CHD1: variants seen among roughly 807,000 people sequenced by gnomAD.
CHD1 encodes ATP-dependent chromatin remodeler CHD1.
In CHD1, 36 loss-of-function variants were observed where a neutral mutation model predicts 224.2. The observed-to-expected ratio is 0.16, with a 90% confidence interval of 0.12 to 0.21. CHD1 has a LOEUF of 0.21. Among genes scored for constraint, CHD1 ranks in the 10% least tolerant of loss-of-function variants. The pLI, the probability that CHD1 is intolerant of heterozygous loss-of-function variation, is 1.00. For missense variants in CHD1, 1,378 were observed against 1,994.8 expected, an observed-to-expected ratio of 0.69 and a Z score of 5.89; for synonymous variants, 668 against 658.3, an observed-to-expected ratio of 1.01 and a Z score of -0.23.
chr5:98,877,158 G>A (rs1749820422), intron 23 of CHD1, among the ~76,000 whole-genome samples: 1 of 152,158 alleles, frequency 6.6e-6, no homozygotes, highest in Non-Finnish European at 1.5e-5. Context: ...GAGCAACACA[G>A]TGAGATCCTG....
At chr5:98,880,511 A>G (rs906212358) in intron 22 of CHD1, among the ~76,000 whole-genome samples, 2 of 152,228 alleles carry the variant, frequency 1.3e-5, no homozygotes, top group Non-Finnish European at 2.9e-5. Flanking sequence ...CAGTTCAGAG[A>G]AAACAGCTAA....
At position 98,881,716 on chromosome 5, in the gene CHD1, C is replaced by T. The variant is rs373461921; in HGVS notation, c.2867+259G>A. Among the ~76,000 whole-genome samples, 36 of 151,900 alleles carry T rather than the reference C, an allele frequency of 2.4e-4. No individual in the cohort carries two copies. The East Asian group carries it at 5.8e-3, about 25-fold the overall frequency. ...GCAGAGGTGGGGTTTCACTATGTTG[C>T]CTAGTGCAGTATATTTATTTTAAAA... On this transcript the variant is annotated intron_variant, in intron 20 of 35. Coordinates refer to ENST00000614616, the MANE Select transcript of CHD1 (RefSeq NM_001270.4).
At chr5:98,875,712 G>T (rs1012898676) in intron 24 of CHD1, among the ~76,000 whole-genome samples, 15 of 152,210 alleles carry the variant, frequency 9.9e-5, no homozygotes, top group Middle Eastern at 3.4e-3. Flanking sequence ...CTGGTAGAAA[G>T]AATAAGGAAG....
intron 2 of CHD1, among the ~76,000 whole-genome samples, chr5:98,913,585 T>G (rs955832376): frequency 1.3e-5 from 2 of 152,238 alleles, no homozygotes; most frequent in African/African-American, 4.8e-5. Flanking sequence ...AGTTCAACCA[T>G]AAATTATTTT....
intron 3 of CHD1, 45 bp from the exon 4 acceptor site, chr5:98,903,953 A>G: frequency 8.0e-7 from 1 of 1,251,430 alleles, no homozygotes; most frequent in Non-Finnish European, 1.1e-6. Flanking sequence ...TATTAAGAAA[A>G]CTGCAAAAAA....
intron 15 of CHD1, 39 bp downstream of exon 15, chr5:98,892,486 G>A (rs897689920): frequency 3.2e-5 from 48 of 1,477,126 alleles, no homozygotes; most frequent in Non-Finnish European, 4.3e-5. Context: ...AAGGTTTTCA[G>A]AATTAGAAGT....
At chr5:98,927,137 C>A (rs1753521043) in intron 1 of CHD1, among the ~76,000 whole-genome samples, 1 of 152,084 alleles carries the variant, frequency 6.6e-6, no homozygotes, top group South Asian at 2.1e-4. Flanking sequence ...TAATACTTAA[C>A]CAGTTTGCAC....
chr5:98,921,068 T>C (rs191110851), intron 2 of CHD1, among the ~76,000 whole-genome samples: 1 of 152,106 alleles, frequency 6.6e-6, no homozygotes, highest in East Asian at 1.9e-4. Context: ...AAAAAATAAA[T>C]AAAATGGCTA....
chr5:98,925,936 G>A (rs1753426733), intron 2 of CHD1, among the ~76,000 whole-genome samples: 2 of 151,606 alleles, frequency 1.3e-5, no homozygotes, highest in South Asian at 2.1e-4. Flanking sequence ...ACACTGGACA[G>A]TACAGGTATA....
At chr5:98,898,631 AAG>A in intron 9 of CHD1, 31 bp downstream of exon 9, 1 of 1,371,862 alleles carries the variant, frequency 7.3e-7, no homozygotes, top group African/African-American at 1.5e-5. Flanking sequence ...CAAGCATAAA[AAG>A]AAAGTTTAAC....
In CHD1 at chr5:98,858,405, C is replaced by A. The variant is rs758631719; in HGVS notation, c.4577-15G>T. ...TCTTTCCACATCTGTTAGATAAGTA[C>A]AACTTTTATTAATGACCTTAAAAAT... On this transcript the variant is annotated splice_polypyrimidine_tract_variant and intron_variant, in intron 34 of 35. Coordinates refer to ENST00000614616, the MANE Select transcript of CHD1 (RefSeq NM_001270.4). The A allele has an allele frequency of 6.3e-7, 1 of 1,589,230 alleles. No individual in the cohort carries two copies. Among genetic ancestry groups the A allele is most frequent in the Non-Finnish European group, 8.6e-7 (1 of 1,160,636 alleles).
intron 18 of CHD1, 144 bp from the exon 19 acceptor site, chr5:98,883,381 A>T (rs1451542038): frequency 2.1e-6 from 1 of 483,136 alleles, no homozygotes; most frequent in Non-Finnish European, 3.7e-6. Flanking sequence ...CTCCAAAATC[A>T]AATATATATG....
intron 15 of CHD1, among the ~76,000 whole-genome samples, 160 bp from the exon 16 acceptor site, chr5:98,889,398 A>G (rs1472766768): frequency 6.6e-6 from 1 of 152,240 alleles, no homozygotes; most frequent in Non-Finnish European, 1.5e-5. Flanking sequence ...AACCTCTTTC[A>G]TAATACTCAT....
chr5:98,886,661 T>TA (rs1409120873), intron 17 of CHD1, among the ~76,000 whole-genome samples: 1 of 152,186 alleles, frequency 6.6e-6, no homozygotes, highest in East Asian at 1.9e-4. Context: ...TTAAATGATG[T>TA]ATTCTAAGTG....
At chr5:98,893,097 C>A (rs926825307) in intron 14 of CHD1, among the ~76,000 whole-genome samples, 1 of 152,064 alleles carries the variant, frequency 6.6e-6, no homozygotes, top group South Asian at 2.1e-4. Flanking sequence ...AAAGGGATTA[C>A]CAGCACCTCA....
rs1012609714 is a variant in CHD1 at position 98,901,078 on chromosome 5, T to C, written c.592A>G (p.Lys198Glu). ...AGAATCTTCTTTCCATTTTTTGACTTAGATCTAGGAAAGTGCAAAGAGAAA... is the reference window on the plus strand; with the variant it reads ...AGAATCTTCTTTCCATTTTTTGACTCAGATCTAGGAAAGTGCAAAGAGAAA... ...VKSRKPQNRSKSKNGKKILGQ... is the reference protein window; with the variant it reads ...VKSRKPQNRSESKNGKKILGQ... The change falls in exon 7 of 36, where the codon AAG becomes GAG. Residue 198 changes from lysine to glutamate, a missense_variant. Lys to Glu is a moderately conservative substitution (Grantham distance 56). Transcript: ENST00000614616. 2.5e-6 allele frequency: 4 copies of C among 1,591,166 alleles called. No homozygotes were observed. The highest frequency in any genetic ancestry group is 1.8e-5 in the Admixed American group (1 of 55,036).
At chr5:98,871,573 G>A (rs1393715359) in intron 28 of CHD1, among the ~76,000 whole-genome samples, 3 of 151,862 alleles carry the variant, frequency 2.0e-5, no homozygotes, top group Non-Finnish European at 2.9e-5. Context: ...TGTTTGATAG[G>A]TGAGTAGGGT....
chr5:98,901,118 G>A, intron 6 of CHD1, 36 bp from the exon 7 acceptor site: 3 of 1,566,916 alleles, frequency 1.9e-6, no homozygotes, highest in Non-Finnish European at 2.6e-6. Flanking sequence ...AACAAGATTT[G>A]AGAAACTATA....
intron 31 of CHD1, among the ~76,000 whole-genome samples, chr5:98,864,517 CAAAAA>C (rs67061692): frequency 5.5e-4 from 32 of 58,136 alleles, no homozygotes; most frequent in African/African-American, 1.9e-3. Flanking sequence ...GATTCTATAC[CAAAAA>C]AAAAAAAAAA....
Sources: gnomAD v4.1 joint callset for allele counts (sites outside exome capture counted in the v4.1 genomes callset) on GRCh38, gnomAD v4.1.1 for gene constraint, MANE v1.5 for transcripts, NCBI Gene and HGNC (gene_info 2026-07-23, HGNC 2026-07-21) for gene names.